The following LCORL variants were observed in gnomAD, a reference collection of about 807,000 sequenced individuals.
LCORL encodes ligand dependent nuclear receptor corepressor like.
LCORL carries 41 observed loss-of-function variants against 141.8 expected under a neutral mutation model. That is an observed-to-expected ratio of 0.29 (90% CI 0.23 to 0.38). The LOEUF (loss-of-function observed/expected upper bound fraction) is 0.38. Among genes scored for constraint, LCORL ranks in the 10% least tolerant of loss-of-function variants. The probability of loss-of-function intolerance (pLI) is 1.00; values close to 1 mark genes in which losing one functional copy is unlikely to be tolerated. For missense variants in LCORL, 1,759 were observed against 2,035.0 expected, an observed-to-expected ratio of 0.86 and a Z score of 2.61; for synonymous variants, 618 against 694.1, an observed-to-expected ratio of 0.89 and a Z score of 1.72.
chr4:17,845,716 G>A, exon 8 of LCORL: 1 of 1,597,688 alleles, frequency 6.3e-7, no homozygotes, highest in East Asian at 2.2e-5. Context: ...AAGAAGAACT[G>A]CAATCTATTT....
At chr4:17,883,292 T>C (rs1226837967) in intron 6 of LCORL, 4 of 990,838 alleles carry the variant, frequency 4.0e-6, no homozygotes, top group East Asian at 2.2e-4. Flanking sequence ...GTCTGTTGTA[T>C]AGAATGTTTA....
intron 5 of LCORL, among the ~76,000 whole-genome samples, chr4:17,902,462 A>G (rs1577371523): frequency 6.6e-6 from 1 of 152,200 alleles, no homozygotes; most frequent in South Asian, 2.1e-4. Flanking sequence ...AAAGCTCGGC[A>G]TAGAAAAACA....
intron 7 of LCORL, among the ~76,000 whole-genome samples, chr4:17,863,889 C>T (rs1012414010): frequency 1.3e-5 from 2 of 152,112 alleles, no homozygotes; most frequent in African/African-American, 4.8e-5. Flanking sequence ...CAAACTAATG[C>T]AGGAATGGAA....
chr4:17,853,490 C>T (rs1456807938), intron 7 of LCORL, among the ~76,000 whole-genome samples: 3 of 152,086 alleles, frequency 2.0e-5, no homozygotes, highest in African/African-American at 7.2e-5. Flanking sequence ...TGAGAGCTAA[C>T]AGAGTATTCT....
chr4:17,990,998 TAAA>T (rs978883391), intron 1 of LCORL, among the ~76,000 whole-genome samples: 3 of 152,044 alleles, frequency 2.0e-5, no homozygotes, highest in Non-Finnish European at 4.4e-5. Context: ...AAAATAAAAA[TAAA>T]AAGCTTTTTG....
intron 6 of LCORL, chr4:17,882,477 CTCTTA>C: frequency 2.0e-6 from 2 of 984,604 alleles, no homozygotes; most frequent in Middle Eastern, 5.2e-4. Context: ...TGACCAGTCT[CTCTTA>C]TGAGTCTAGT....
intron 4 of LCORL, among the ~76,000 whole-genome samples, chr4:17,923,632 T>G (rs568567560): frequency 6.6e-6 from 1 of 151,628 alleles, no homozygotes; most frequent in African/African-American, 2.4e-5. Context: ...GGTGACAGAG[T>G]GAGACTCAAT....
chr4:17,942,557 T>TAGAA (rs1271432909), intron 4 of LCORL, among the ~76,000 whole-genome samples: 2 of 152,288 alleles, frequency 1.3e-5, no homozygotes, highest in African/African-American at 4.8e-5. Flanking sequence ...GAAAATACTG[T>TAGAA]AATAGGATAA....
intron 1 of LCORL, among the ~76,000 whole-genome samples, chr4:17,999,317 G>T (rs1421792538): frequency 5.3e-5 from 8 of 151,960 alleles, no homozygotes; most frequent in African/African-American, 1.7e-4. Flanking sequence ...AGCCGGGCGT[G>T]GTGGTGGAGG....
chr4:17,881,395 A>C, intron 6 of LCORL: 1 of 971,442 alleles, frequency 1.0e-6, no homozygotes, highest in Non-Finnish European at 1.2e-6. Flanking sequence ...TGTATAATCA[A>C]ATGTTAACTC....
At chr4:17,873,446 T>C (rs1185420828) in exon 7 of LCORL, 12 of 1,233,734 alleles carry the variant, frequency 9.7e-6, no homozygotes, top group African/African-American at 1.6e-5. Flanking sequence ...GTCGTTTATG[T>C]CTTTTTGTTG....
chr4:17,844,259 C>CTT lies in LCORL; in HGVS notation c.*1627_*1628dup, dbSNP rs1358350634. On this transcript the variant is annotated 3_prime_UTR_variant, in exon 8 of 8. Transcript: ENST00000635767. Reference sequence around the variant, plus strand: ...CATTTCTTGTCTTTTGAAATTGACACTTGGCCTGACTTACGAAACTTGTAC... The same window carrying CTT: ...CATTTCTTGTCTTTTGAAATTGACACTTTTGGCCTGACTTACGAAACTTGTAC... The CTT allele has an allele frequency of 4.6e-5, 7 of 152,524 alleles. No individual in the cohort carries two copies. The East Asian group carries it at 1.4e-3, about 29-fold the overall frequency. The allele number at this position is 152,524 out of a possible 1,614,324, so 9.4% of individuals were successfully genotyped here.
chr4:18,019,270 C>T (rs1162921643), intron 1 of LCORL, among the ~76,000 whole-genome samples: 1 of 152,096 alleles, frequency 6.6e-6, no homozygotes, highest in Admixed American at 6.5e-5. Context: ...ATCCAGGAGG[C>T]GGAGGTTGCA....
chr4:17,847,570 T>C (rs1046878574), intron 7 of LCORL, among the ~76,000 whole-genome samples: 6 of 152,194 alleles, frequency 3.9e-5, no homozygotes, highest in African/African-American at 1.2e-4. Context: ...AGTAAACCAC[T>C]TTTTTGAAAA....
chr4:17,974,896 A>G (rs969797497), intron 1 of LCORL, among the ~76,000 whole-genome samples: 30 of 152,250 alleles, frequency 2.0e-4, no homozygotes, highest in African/African-American at 7.2e-4. Context: ...AATACCTTTC[A>G]CCATCTGAAG....
chr4:17,860,668 C>G (rs1724897557), intron 7 of LCORL, among the ~76,000 whole-genome samples: 1 of 152,200 alleles, frequency 6.6e-6, no homozygotes, highest in African/African-American at 2.4e-5. Flanking sequence ...CAAAAGTCCA[C>G]AGTCCAAAGT....
intron 7 of LCORL, among the ~76,000 whole-genome samples, chr4:17,868,196 C>T (rs140759373): frequency 6.6e-6 from 1 of 152,116 alleles, no homozygotes; most frequent in Non-Finnish European, 1.5e-5. Context: ...GAGTATATTA[C>T]TTAGTTAAAA....
intron 5 of LCORL, among the ~76,000 whole-genome samples, chr4:17,895,141 G>A (rs1729719224): frequency 6.6e-6 from 1 of 151,830 alleles, no homozygotes; most frequent in Non-Finnish European, 1.5e-5. Context: ...AGTGTAATTA[G>A]CATATTCACC....
intron 7 of LCORL, among the ~76,000 whole-genome samples, chr4:17,864,661 A>C (rs541765324): frequency 1.4e-4 from 21 of 152,372 alleles, no homozygotes; most frequent in African/African-American, 4.8e-4. Flanking sequence ...GTTAATGGTG[A>C]CATTAAATGT....
Sources: allele counts gnomAD v4.1 joint callset (sites outside exome capture counted in the v4.1 genomes callset), GRCh38; gene constraint gnomAD v4.1.1; transcripts MANE v1.5; gene names NCBI Gene and HGNC (gene_info 2026-07-23, HGNC 2026-07-21).